Variants in SLC12A8 observed in about 807,000 individuals in gnomAD.
SLC12A8 encodes cation-chloride cotransporter 9.
Under a neutral mutation model 75.6 loss-of-function variants are expected in SLC12A8, and 69 were observed. The observed-to-expected ratio is 0.91, with a 90% CI of 0.75 to 1.11. SLC12A8 has a LOEUF of 1.11. Ranked by LOEUF, SLC12A8 falls within the 50% of genes most tolerant of loss-of-function variation. SLC12A8 has a pLI of 0.00. For missense variants in SLC12A8, 877 were observed against 896.7 expected (o/e 0.98, Z 0.28); for synonymous variants, 365 against 372.8 (o/e 0.98, Z 0.24).
rs777698309 is a variant in SLC12A8 at position 125,177,907 on chromosome 3, T to G, written c.458A>C (p.Asn153Thr). ...ESISDLLGLG[N>T]IWAVRGISVA... ...TGAAATTCCTCGCACAGCCCAGATA[T>G]TCCCGAGGCCCAGCAAATCCGAGAT... The change falls in exon 5 of 14, where the codon AAT becomes ACT. Residue 153 changes from asparagine to threonine, a missense_variant. Physicochemically the swap from Asn to Thr is moderately conservative, Grantham distance 65. Transcript: ENST00000469902. 6.2e-7 allele frequency: 1 copy of G among 1,614,100 alleles called. No homozygotes were observed. Among genetic ancestry groups the G allele is most frequent in the Non-Finnish European group, 8.5e-7 (1 of 1,180,002 alleles).
intron 2 of SLC12A8, among the ~76,000 whole-genome samples, chr3:125,199,800 T>C (rs891242102): frequency 2.0e-5 from 3 of 150,892 alleles, no homozygotes; most frequent in African/African-American, 7.4e-5. Flanking sequence ...AACATGAAAA[T>C]ACAGTTCCAG....
intron 10 of SLC12A8, among the ~76,000 whole-genome samples, chr3:125,100,669 A>G (rs181733093): frequency 0.018 from 2,680 of 151,250 alleles, 54 homozygotes; most frequent in Admixed American, 0.048. Flanking sequence ...TGGCCTCCCA[A>G]AGTGCTGGGA....
At position 125,087,138 on chromosome 3, in the gene SLC12A8, A is replaced by T. The variant is rs540828952; in HGVS notation, c.1982+1172T>A. 7.0e-4 allele frequency among the ~76,000 whole-genome samples: 99 copies of T among 142,356 alleles called. 1 individual carries two copies. The highest frequency in any genetic ancestry group is 1.1e-3 in the Non-Finnish European group (74 of 66,444). The allele number at this position is 142,356 out of a possible 152,430, so 93.4% of individuals were successfully genotyped here. A position where few individuals can be genotyped will look rare whatever the true frequency, so the allele number is the denominator to read the frequency against. On this transcript the variant is annotated intron_variant, in intron 13 of 13. Transcript: ENST00000469902. ...GAGATGGAGTCTCACTTTGTCAACTAGACTGGAGTTCAGTGGCACGATCCC... is the reference window on the plus strand; with the variant it reads ...GAGATGGAGTCTCACTTTGTCAACTTGACTGGAGTTCAGTGGCACGATCCC...
intron 2 of SLC12A8, among the ~76,000 whole-genome samples, chr3:125,196,302 A>G (rs1382791729): frequency 2.0e-5 from 3 of 152,250 alleles, no homozygotes; most frequent in Non-Finnish European, 2.9e-5. Context: ...TTATGAACAC[A>G]GTACTTTGAC....
At chr3:125,193,875 T>C (rs572019061) in intron 2 of SLC12A8, among the ~76,000 whole-genome samples, 1 of 152,192 alleles carries the variant, frequency 6.6e-6, no homozygotes, top group Non-Finnish European at 1.5e-5. Flanking sequence ...TTCCAGGCTC[T>C]CTTGTTAAAC....
At chr3:125,204,319 G>C (rs928594497) in intron 2 of SLC12A8, among the ~76,000 whole-genome samples, 11 of 152,166 alleles carry the variant, frequency 7.2e-5, no homozygotes, top group Admixed American at 2.6e-4. Context: ...ATAGCAAAAG[G>C]AGTCAACCTA....
intron 1 of SLC12A8, among the ~76,000 whole-genome samples, chr3:125,212,131 G>A (rs1935348779): frequency 6.6e-6 from 1 of 152,062 alleles, no homozygotes; most frequent in Non-Finnish European, 1.5e-5. Context: ...GAGGGTTAGA[G>A]CTGATCTTCC....
intron 4 of SLC12A8, 67 bp downstream of exon 4, chr3:125,187,170 G>A: frequency 6.5e-7 from 1 of 1,535,772 alleles, no homozygotes; most frequent in South Asian, 1.1e-5. Flanking sequence ...CAGGTCAAGT[G>A]AGGAAATGGA....
chr3:125,089,839 T>C (rs1024249443), intron 12 of SLC12A8, among the ~76,000 whole-genome samples: 2 of 95,862 alleles, frequency 2.1e-5, no homozygotes, highest in African/African-American at 8.2e-5. Context: ...AGTTGGATGT[T>C]GGGATCACTG....
rs111474323 is a variant in SLC12A8, at chr3:125,198,780, ATTT to A, written c.52-8262_52-8260del. ...GTAGAGCTACAGATTAGACAATAGG[ATTT>A]TTTTTTTTTTTTGAGATGGAGTCTC... is the stretch of plus-strand genomic sequence containing the variant. On this transcript the variant is annotated intron_variant, in intron 2 of 13. Transcript: ENST00000469902. Among the ~76,000 whole-genome samples, 4 of 141,828 alleles carry A rather than the reference ATTT, an allele frequency of 2.8e-5. No individual in the cohort carries two copies. The South Asian group carries it at 6.9e-4, about 25-fold the overall frequency. The allele number at this position is 141,828 out of a possible 152,430, so 93.0% of individuals were successfully genotyped here.
chr3:125,191,976 G>A (rs1210210860), intron 2 of SLC12A8, among the ~76,000 whole-genome samples: 1 of 152,248 alleles, frequency 6.6e-6, no homozygotes, highest in African/African-American at 2.4e-5. Flanking sequence ...CTCGTGGTTC[G>A]GAACAAAGAC....
At chr3:125,190,682 T>TA (rs1314165009) in intron 2 of SLC12A8, among the ~76,000 whole-genome samples, 161 bp from the exon 3 acceptor site, 1 of 152,226 alleles carries the variant, frequency 6.6e-6, no homozygotes, top group Non-Finnish European at 1.5e-5. Context: ...TGCATGCACA[T>TA]ACACACACAT....
chr3:125,173,917 C>T (rs1306474591), intron 5 of SLC12A8, among the ~76,000 whole-genome samples: 1 of 152,104 alleles, frequency 6.6e-6, no homozygotes, highest in Non-Finnish European at 1.5e-5. Context: ...ATGGTGAAAC[C>T]CCATCTCTGA....
chr3:125,201,929 A>G (rs544518011), intron 2 of SLC12A8, among the ~76,000 whole-genome samples: 2 of 151,938 alleles, frequency 1.3e-5, no homozygotes. Context: ...TTTTTTTGAG[A>G]TGGAGTCTCA....
intron 8 of SLC12A8, among the ~76,000 whole-genome samples, chr3:125,115,562 C>T (rs1386782608): frequency 6.6e-6 from 1 of 151,728 alleles, no homozygotes; most frequent in Non-Finnish European, 1.5e-5. Flanking sequence ...AAAGACGCTT[C>T]TTAGAGAAAC....
chr3:125,182,235 G>A (rs1264071178), intron 4 of SLC12A8, among the ~76,000 whole-genome samples: 1 of 152,056 alleles, frequency 6.6e-6, no homozygotes, highest in Non-Finnish European at 1.5e-5. Flanking sequence ...GCTGAGGTGG[G>A]AGGATCACTG....
At chr3:125,186,847 C>T (rs908584258) in intron 4 of SLC12A8, among the ~76,000 whole-genome samples, 3 of 152,360 alleles carry the variant, frequency 2.0e-5, no homozygotes, top group East Asian at 1.9e-4. Context: ...AGCCCTTTGG[C>T]ACAGGCAAAA....
At chr3:125,175,697 A>G (rs1934511020) in intron 5 of SLC12A8, among the ~76,000 whole-genome samples, 1 of 152,106 alleles carries the variant, frequency 6.6e-6, no homozygotes, top group African/African-American at 2.4e-5. Flanking sequence ...TTGATGAGCC[A>G]AAGGCCAGCA....
Position 125,211,285 on chromosome 3 carries a change from C to T in SLC12A8, c.51+14G>A. On this transcript the variant is annotated intron_variant, in intron 2 of 13. Coordinates refer to ENST00000469902, the MANE Select transcript of SLC12A8 (RefSeq NM_024628.6). ...CAGGCCTCCATCACAGACCCTGGCA[C>T]ATCCTGAGCCTACCTGCTGGGCTGC... is the stretch of plus-strand genomic sequence containing the variant. 6.2e-7 allele frequency: 1 copy of T among 1,612,366 alleles called. No individual in the cohort carries two copies. Among genetic ancestry groups the T allele is most frequent in the Non-Finnish European group, 8.5e-7 (1 of 1,178,968 alleles).
Sources: gnomAD v4.1 joint callset for allele counts (sites outside exome capture counted in the v4.1 genomes callset) on GRCh38, gnomAD v4.1.1 for gene constraint, MANE v1.5 for transcripts, NCBI Gene and HGNC (gene_info 2026-07-23, HGNC 2026-07-21) for gene names.